The following PRKACB variants were observed in gnomAD, a reference collection of about 807,000 sequenced individuals.
PRKACB encodes cAMP-dependent protein kinase catalytic subunit beta.
A neutral mutation model predicts 51.4 loss-of-function variants in PRKACB; 16 were observed. The ratio of observed to expected loss-of-function variants is 0.31; its 90% confidence interval spans 0.21 to 0.47. The LOEUF is 0.47. PRKACB is among the 20% of genes least tolerant of loss of function. The probability of loss-of-function intolerance (pLI) is 1.00; values close to 1 mark genes in which losing one functional copy is unlikely to be tolerated. For synonymous variants in PRKACB, 147 were observed against 154.4 expected (o/e 0.95, Z 0.35); for missense variants, 309 against 464.5 (o/e 0.67, Z 3.08).
chr1:84,106,078 G>A (rs570087206), intron 1 of PRKACB, among the ~76,000 whole-genome samples: 7 of 152,230 alleles, frequency 4.6e-5, no homozygotes, highest in African/African-American at 1.7e-4. Flanking sequence ...AGGAAGATGT[G>A]CATAGGCTAT....
At chr1:84,116,670 T>C (rs1215080124) in intron 1 of PRKACB, among the ~76,000 whole-genome samples, 4 of 152,184 alleles carry the variant, frequency 2.6e-5, no homozygotes, top group Non-Finnish European at 5.9e-5. Context: ...GTTGATTTTG[T>C]CTCCTGCAAC....
At chr1:84,078,455 C>T in intron 1 of PRKACB, 1 of 1,516,352 alleles carries the variant, frequency 6.6e-7, no homozygotes, top group South Asian at 1.2e-5. Context: ...CTTCTGAGGC[C>T]GCGGGCACGG....
intron 1 of PRKACB, among the ~76,000 whole-genome samples, chr1:84,120,114 T>G (rs1650943405): frequency 2.6e-5 from 4 of 152,080 alleles, no homozygotes; most frequent in Admixed American, 2.6e-4. Context: ...CACTCTAAAC[T>G]TCTGGTTCAA....
chr1:84,126,828 G>A (rs1651660228), intron 1 of PRKACB, among the ~76,000 whole-genome samples: 2 of 152,184 alleles, frequency 1.3e-5, no homozygotes, highest in Non-Finnish European at 2.9e-5. Flanking sequence ...TGGGTTCAAT[G>A]AATCATCAAA....
At chr1:84,192,179 T>C (rs1353949765) in intron 5 of PRKACB, among the ~76,000 whole-genome samples, 1 of 152,100 alleles carries the variant, frequency 6.6e-6, no homozygotes. Context: ...ACTTTAAGCT[T>C]TTTTTAATAG....
chr1:84,179,233 A>G lies in PRKACB; in HGVS notation c.244A>G (p.Thr82Ala), dbSNP rs770560252. The change falls in exon 2 of 10, where the codon ACT becomes GCT. Residue 82 changes from threonine to alanine, a missense_variant. Physicochemically the swap from Thr to Ala is moderately conservative, Grantham distance 58. Coordinates refer to ENST00000370685, the MANE Select transcript of PRKACB (RefSeq NM_182948.4). Reference protein sequence around the residue: ...EDFLKKWENPTQNNAGLEDFE... With the variant: ...EDFLKKWENPAQNNAGLEDFE... ...CTTTTTGAAAAAATGGGAGAATCCA[A>G]CTCAGGTAAGGAATATTTAGATTTT... 1 of 1,578,930 alleles carries G rather than the reference A, an allele frequency of 6.3e-7. No individual in the cohort carries two copies. Among genetic ancestry groups the G allele is most frequent in the Non-Finnish European group, 8.6e-7 (1 of 1,162,530 alleles).
At chr1:84,194,658 A>G (rs1406935694) in intron 5 of PRKACB, among the ~76,000 whole-genome samples, 1 of 152,196 alleles carries the variant, frequency 6.6e-6, no homozygotes, top group Non-Finnish European at 1.5e-5. Context: ...ACAGTGGCTC[A>G]TGTAAGCCTG....
intron 9 of PRKACB, among the ~76,000 whole-genome samples, chr1:84,224,721 T>A (rs990703205): frequency 3.9e-5 from 6 of 152,146 alleles, no homozygotes; most frequent in Non-Finnish European, 5.9e-5. Flanking sequence ...TCAAACAATG[T>A]GTTTGAGTGC....
chr1:84,130,538 A>G (rs1652082580), intron 1 of PRKACB, among the ~76,000 whole-genome samples: 1 of 152,222 alleles, frequency 6.6e-6, no homozygotes, highest in African/African-American at 2.4e-5. Context: ...CAATATAAAA[A>G]TGTCTAACCC....
rs6670362 is a variant in PRKACB at position 84,175,604 on chromosome 1, G to A, written c.188-3573G>A. ...TGAATTTTCAGTCAGTTTTCCTAAT[G>A]TTTAAAATAAACTTTAAAATCTGAT... On this transcript the variant is annotated intron_variant, in intron 1 of 9. Coordinates refer to ENST00000370685, the MANE Select transcript of PRKACB (RefSeq NM_182948.4). 1.4e-3 allele frequency among the ~76,000 whole-genome samples: 216 copies of A among 151,766 alleles called. 1 individual carries two copies. The highest frequency in any genetic ancestry group is 4.8e-3 in the African/African-American group (198 of 41,506).
chr1:84,237,033 T>C lies in PRKACB; in HGVS notation c.*1728T>C, dbSNP rs972077631. The stretch of plus-strand genomic sequence containing the variant: ...CCTTTGAAGACATAAAAAAAACCTG[T>C]CTGAGATGTTCTTTCTACCAATCTA... On this transcript the variant is annotated 3_prime_UTR_variant, in exon 10 of 10. Transcript: ENST00000370685. The C allele has an allele frequency of 1.3e-5, 2 of 152,208 alleles. No individual in the cohort carries two copies. The highest frequency in any genetic ancestry group is 1.3e-4 in the Admixed American group (2 of 15,284). The allele number at this position is 152,208 out of a possible 1,614,324, so 9.4% of individuals were successfully genotyped here. A position where few individuals can be genotyped will look rare whatever the true frequency, so the allele number is the denominator to read the frequency against.
At chr1:84,191,395 C>T (rs1447900407) in intron 5 of PRKACB, among the ~76,000 whole-genome samples, 1 of 152,054 alleles carries the variant, frequency 6.6e-6, no homozygotes, top group Non-Finnish European at 1.5e-5. Context: ...AGGTCCCCTG[C>T]TGATGCACCT....
intron 8 of PRKACB, chr1:84,205,329 CA>C (rs1671174559): frequency 4.3e-6 from 4 of 921,104 alleles, no homozygotes; most frequent in Non-Finnish European, 5.2e-6. Flanking sequence ...ATTCACATTG[CA>C]AAAATATTAT....
At chr1:84,102,421 A>G (rs1480237763) in intron 1 of PRKACB, among the ~76,000 whole-genome samples, 1 of 151,992 alleles carries the variant, frequency 6.6e-6, no homozygotes, top group Admixed American at 6.6e-5. Flanking sequence ...AAATGCAAAA[A>G]GAGAATCTTG....
chr1:84,110,324 G>A (rs1557947407), intron 1 of PRKACB, among the ~76,000 whole-genome samples: 1 of 151,552 alleles, frequency 6.6e-6, no homozygotes, highest in Non-Finnish European at 1.5e-5. Flanking sequence ...AAAGTATATG[G>A]GAAGATGTGC....
chr1:84,163,982 C>G (rs538328544), intron 1 of PRKACB, among the ~76,000 whole-genome samples: 1 of 152,046 alleles, frequency 6.6e-6, no homozygotes, highest in African/African-American at 2.4e-5. Flanking sequence ...TCATCTTAGT[C>G]CTGTTTCATG....
rs1363317014 is a variant in PRKACB, at chr1:84,237,163, ATACTC to A, written c.*1860_*1864del. 6.6e-6 allele frequency: 1 copy of A among 152,644 alleles called. No homozygotes were observed. The highest frequency in any genetic ancestry group is 1.5e-5 in the Non-Finnish European group (1 of 68,018). The allele number at this position is 152,644 out of a possible 1,614,324, so 9.5% of individuals were successfully genotyped here. On this transcript the variant is annotated 3_prime_UTR_variant, in exon 10 of 10. Transcript: ENST00000370685. ...TTAAAACGTGCAAGAAAAAAATAAA[ATACTC>A]TGCTCTAGCAAGTTTTGTGTAACAA...
intron 1 of PRKACB, among the ~76,000 whole-genome samples, chr1:84,104,409 T>C (rs1383374193): frequency 2.0e-5 from 3 of 152,168 alleles, no homozygotes; most frequent in African/African-American, 7.2e-5. Context: ...GTTGATTCCA[T>C]ATCTTGATTA....
chr1:84,161,648 A>G (rs566276728), intron 1 of PRKACB, among the ~76,000 whole-genome samples: 1 of 152,018 alleles, frequency 6.6e-6, no homozygotes, highest in Admixed American at 6.6e-5. Flanking sequence ...ATTATAATAC[A>G]CAAGATTATA....
Sources: gnomAD v4.1 joint callset for allele counts (sites outside exome capture counted in the v4.1 genomes callset) on GRCh38, gnomAD v4.1.1 for gene constraint, MANE v1.5 for transcripts, NCBI Gene and HGNC (gene_info 2026-07-23, HGNC 2026-07-21) for gene names.